ANKRD49: variants seen among roughly 807,000 people sequenced by gnomAD.
The protein encoded by ANKRD49 is ankyrin repeat domain-containing protein 49.
A neutral mutation model predicts 19.6 loss-of-function variants in ANKRD49; 18 were observed. That is an observed-to-expected ratio of 0.92 (90% CI 0.63 to 1.36). The LOEUF is 1.36. ANKRD49 is among the 40% of genes most tolerant of loss of function. The pLI, the probability that ANKRD49 is intolerant of heterozygous loss-of-function variation, is 0.00. For missense variants in ANKRD49, 218 were observed against 281.6 expected, an observed-to-expected ratio of 0.77 and a Z score of 1.62; for synonymous variants, 88 against 101.8, an observed-to-expected ratio of 0.86 and a Z score of 0.82.
In ANKRD49 at chr11:94,498,772, T is replaced by C. The variant is rs1947453938; in HGVS notation, c.*240T>C. ...TTTTATCAGAAATAATTTTAATGTG[T>C]GTATACTTAAAAACTTGACACGGGT... On this transcript the variant is annotated 3_prime_UTR_variant, in exon 3 of 3. Coordinates refer to ENST00000544612, the MANE Select transcript of ANKRD49 (RefSeq NM_017704.3). The C allele has an allele frequency of 4.0e-6, 2 of 503,710 alleles. No individual in the cohort carries two copies. Among genetic ancestry groups the C allele is most frequent in the Non-Finnish European group, 7.0e-6 (2 of 286,040 alleles). The allele number at this position is 503,710 out of a possible 1,614,324, so 31.2% of individuals were successfully genotyped here. A position where few individuals can be genotyped will look rare whatever the true frequency, so the allele number is the denominator to read the frequency against.
Position 94,499,498 on chromosome 11 carries a change from T to TAAA in ANKRD49, c.*974_*976dup, listed in dbSNP as rs113751710. The TAAA allele has an allele frequency of 1.4e-5, 2 of 147,844 alleles. No homozygotes were observed. 9.2% of individuals were successfully genotyped at this position (147,844 alleles called of 1,614,324 possible). ...TAAAACCACAAAGTGGCTCAGGCTT[T>TAAA]AAAAAAAAAACACTGTGGATAATGA... On this transcript the variant is annotated 3_prime_UTR_variant, in exon 3 of 3. Coordinates refer to ENST00000544612, the MANE Select transcript of ANKRD49 (RefSeq NM_017704.3).
chr11:94,499,320 T>C lies in ANKRD49; in HGVS notation c.*788T>C, dbSNP rs928482101. On this transcript the variant is annotated 3_prime_UTR_variant, in exon 3 of 3. Coordinates refer to ENST00000544612, the MANE Select transcript of ANKRD49 (RefSeq NM_017704.3). ...TGCTATCCAACTGGTTTTACCTGCC[T>C]AATCCTACTGATTTGGGCACTGCTT... 1.3e-5 allele frequency: 2 copies of C among 152,636 alleles called. No homozygotes were observed. The highest frequency in any genetic ancestry group is 1.5e-5 in the Non-Finnish European group (1 of 68,070). The allele number at this position is 152,636 out of a possible 1,614,324, so 9.5% of individuals were successfully genotyped here.
At chr11:94,495,070 T>G (rs11819857) in intron 1 of ANKRD49, among the ~76,000 whole-genome samples, 24,331 of 152,200 alleles carry the variant, frequency 0.16, 2,182 homozygotes, top group East Asian at 0.23. Flanking sequence ...AATACTTTAG[T>G]AAAATTCTTA....
intron 2 of ANKRD49, 185 bp from the exon 3 acceptor site, chr11:94,497,886 T>C: frequency 3.6e-6 from 2 of 555,468 alleles, no homozygotes; most frequent in Non-Finnish European, 6.3e-6. Flanking sequence ...CACTAACTTG[T>C]TCATTCTTAA....
chr11:94,494,217 A>C (rs1288402886), intron 1 of ANKRD49, 182 bp downstream of exon 1: 1 of 152,132 alleles, frequency 6.6e-6, no homozygotes, highest in Non-Finnish European at 1.5e-5. Context: ...GGAAGGCCGC[A>C]GGCGGAGCTC....
chr11:94,498,431 A>T lies in ANKRD49; in HGVS notation c.619A>T (p.Asn207Tyr). 1 of 1,613,824 alleles carries T rather than the reference A, an allele frequency of 6.2e-7. No homozygotes were observed. The highest frequency in any genetic ancestry group is 8.5e-7 in the Non-Finnish European group (1 of 1,179,866). ...NRYVKPGLKN[N>Y]LEETAFDIAR... ...TTACGTCAAACCAGGGCTGAAAAACAACTTGGAAGAAACTGCATTTGATAT... is the reference window on the plus strand; with the variant it reads ...TTACGTCAAACCAGGGCTGAAAAACTACTTGGAAGAAACTGCATTTGATAT... Residue 207 changes from asparagine (N) to tyrosine (Y), a missense_variant, in exon 3 of 3, where the codon AAC becomes TAC. Physicochemically the swap from Asn to Tyr is moderately radical, Grantham distance 143 (BLOSUM62 -2). Transcript: ENST00000544612.
chr11:94,494,514 T>C (rs1947381286), intron 1 of ANKRD49, among the ~76,000 whole-genome samples: 1 of 152,194 alleles, frequency 6.6e-6, no homozygotes, highest in Admixed American at 6.5e-5. Context: ...TAGCCCCGCC[T>C]ATCACTGAGT....
intron 1 of ANKRD49, among the ~76,000 whole-genome samples, chr11:94,495,305 T>C (rs1947398553): frequency 6.6e-6 from 1 of 152,188 alleles, no homozygotes; most frequent in African/African-American, 2.4e-5. Flanking sequence ...GACAAGACTT[T>C]AATTAAATGT....
chr11:94,497,803 A>G (rs924653989), intron 2 of ANKRD49: 1 of 370,414 alleles, frequency 2.7e-6, no homozygotes, highest in Non-Finnish European at 4.9e-6. Flanking sequence ...AATAAACCTT[A>G]GTTGGACCAG....
intron 1 of ANKRD49, among the ~76,000 whole-genome samples, chr11:94,494,968 GAATT>G (rs569554081): frequency 1.1e-4 from 16 of 152,282 alleles, no homozygotes; most frequent in Admixed American, 6.5e-4. Context: ...AGCTCCAGGA[GAATT>G]AATAAAACAC....
rs1406959277 is a variant in ANKRD49 at position 94,498,586 on chromosome 11, A to G, written c.*54A>G. 21 of 1,409,370 alleles carry G rather than the reference A, an allele frequency of 1.5e-5. No individual in the cohort carries two copies. Among genetic ancestry groups the G allele is most frequent in the Non-Finnish European group, 2.0e-5 (21 of 1,029,056 alleles). The allele number at this position is 1,409,370 out of a possible 1,614,324, so 87.3% of individuals were successfully genotyped here. On this transcript the variant is annotated 3_prime_UTR_variant, in exon 3 of 3. Transcript: ENST00000544612. Reference sequence around the variant, plus strand: ...AATACCAGTGCCTCCTGTGTGTGAGATGTATTCCCATAATCAAAGTTGACG... The same window carrying G: ...AATACCAGTGCCTCCTGTGTGTGAGGTGTATTCCCATAATCAAAGTTGACG...
At chr11:94,497,130 G>A in intron 2 of ANKRD49, 179 bp downstream of exon 2, 2 of 765,498 alleles carry the variant, frequency 2.6e-6, no homozygotes, top group Non-Finnish European at 4.3e-6. Context: ...TATTATTTGG[G>A]GGTTTAAGGA....
At chr11:94,497,909 C>T in intron 2 of ANKRD49, 162 bp from the exon 3 acceptor site, 1 of 600,596 alleles carries the variant, frequency 1.7e-6, no homozygotes, top group South Asian at 2.3e-5. Flanking sequence ...CAGTAGTCCT[C>T]TCCTCCCCAA....
chr11:94,496,505 T>C (rs921819538), intron 1 of ANKRD49, 99 bp from the exon 2 acceptor site: 11 of 536,542 alleles, frequency 2.1e-5, no homozygotes, highest in Non-Finnish European at 3.2e-5. Context: ...AACAAGAGTT[T>C]AGACAGGGTT....
At chr11:94,495,893 T>C (rs1947412237) in intron 1 of ANKRD49, among the ~76,000 whole-genome samples, 1 of 152,202 alleles carries the variant, frequency 6.6e-6, no homozygotes, top group South Asian at 2.1e-4. Context: ...TTGCTCATTA[T>C]TGAATCCCAG....
chr11:94,498,677 C>A lies in ANKRD49; in HGVS notation c.*145C>A. On this transcript the variant is annotated 3_prime_UTR_variant, in exon 3 of 3. Coordinates refer to ENST00000544612, the MANE Select transcript of ANKRD49 (RefSeq NM_017704.3). ...ACATTCTTCCAAGTGAATTGCCTGA[C>A]TTTGATGTCAAAATGTATTTGAAAG... 1 of 688,536 alleles carries A rather than the reference C, an allele frequency of 1.5e-6. No homozygotes were observed. Among genetic ancestry groups the A allele is most frequent in the Non-Finnish European group, 2.4e-6 (1 of 409,574 alleles). The allele number at this position is 688,536 out of a possible 1,614,324, so 42.7% of individuals were successfully genotyped here.
chr11:94,495,081 C>T (rs1947392864), intron 1 of ANKRD49, among the ~76,000 whole-genome samples: 2 of 152,240 alleles, frequency 1.3e-5, no homozygotes, highest in Admixed American at 6.5e-5. Context: ...AAAATTCTTA[C>T]ATTTTACAAT....
At position 94,498,748 on chromosome 11, in the gene ANKRD49, T is replaced by C; in HGVS notation, c.*216T>C. On this transcript the variant is annotated 3_prime_UTR_variant, in exon 3 of 3. Transcript: ENST00000544612. ...TTATTTCTGTGGAGTTTGTGATTTT[T>C]TTATCAGAAATAATTTTAATGTGTG... 1.8e-6 allele frequency: 1 copy of C among 564,070 alleles called. No individual in the cohort carries two copies. The highest frequency in any genetic ancestry group is 3.1e-6 in the Non-Finnish European group (1 of 323,142). The allele number at this position is 564,070 out of a possible 1,614,324, so 34.9% of individuals were successfully genotyped here.
chr11:94,495,373 A>C (rs1947400210), intron 1 of ANKRD49, among the ~76,000 whole-genome samples: 1 of 152,220 alleles, frequency 6.6e-6, no homozygotes, highest in Admixed American at 6.5e-5. Flanking sequence ...AATATAAGTT[A>C]AATGTGGTCC....
Sources: allele counts gnomAD v4.1 joint callset (sites outside exome capture counted in the v4.1 genomes callset), GRCh38; gene constraint gnomAD v4.1.1; transcripts MANE v1.5; gene names NCBI Gene and HGNC (gene_info 2026-07-23, HGNC 2026-07-21).